ABR: variants seen among roughly 807,000 people sequenced by gnomAD.
The protein encoded by ABR is ABR activator of RhoGEF and GTPase.
Under a neutral mutation model 107.2 loss-of-function variants are expected in ABR, and 35 were observed. That is an observed-to-expected ratio of 0.33 (90% CI 0.25 to 0.43). The LOEUF (loss-of-function observed/expected upper bound fraction) is 0.43, where lower values mean the gene tolerates loss of function less well. Ranked by LOEUF, ABR falls within the 20% of genes least tolerant of loss-of-function variation. The pLI is 1.00. For synonymous variants in ABR, 498 were observed against 462.0 expected, an observed-to-expected ratio of 1.08 and a Z score of -1.00; for missense variants, 815 against 1,115.2, an observed-to-expected ratio of 0.73 and a Z score of 3.83.
At chr17:1,061,689 G>T (rs1220665753) in intron 10 of ABR, among the ~76,000 whole-genome samples, 2 of 152,030 alleles carry the variant, frequency 1.3e-5, no homozygotes, top group Non-Finnish European at 2.9e-5. Flanking sequence ...TGGGATTACA[G>T]GCACCCACCA....
intron 1 of ABR, among the ~76,000 whole-genome samples, chr17:1,165,349 G>A (rs2041463565): frequency 6.6e-6 from 1 of 152,250 alleles, no homozygotes; most frequent in Non-Finnish European, 1.5e-5. Flanking sequence ...GCGGGTGGAT[G>A]GCCGGGAGGA....
chr17:1,176,850 CAAAACAAAAAACAAAAAACAAAAAAAA>C (rs2041933815), intron 1 of ABR, among the ~76,000 whole-genome samples: 1 of 133,348 alleles, frequency 7.5e-6, no homozygotes, highest in African/African-American at 2.8e-5. Context: ...CGTCTCAAAA[CAAAACAAAAAACAAAAAACAAAAAAAA>C]AAAAGAAAAA....
At chr17:1,182,831 C>T (rs78410060), upstream of ABR, among the ~76,000 whole-genome samples, 3,880 of 152,272 alleles carry the variant, frequency 0.025, 176 homozygotes, top group African/African-American at 0.087. Context: ...TCTCAGACAA[C>T]GTGTCTCAGG....
chr17:1,159,163 C>CA (rs1275337295), intron 1 of ABR, among the ~76,000 whole-genome samples: 3 of 152,242 alleles, frequency 2.0e-5, no homozygotes, highest in Non-Finnish European at 4.4e-5. Flanking sequence ...CTCAGGAGTC[C>CA]AAGAGAAGTA....
At chr17:1,216,635 CCAAA>C (rs1214235350) in intron 1 of ABR, among the ~76,000 whole-genome samples, 1 of 152,142 alleles carries the variant, frequency 6.6e-6, no homozygotes, top group African/African-American at 2.4e-5. Flanking sequence ...CCTCTGTAGC[CCAAA>C]CAAAGCACAT....
chr17:1,143,961 A>G (rs2040423642), intron 1 of ABR, among the ~76,000 whole-genome samples: 1 of 152,100 alleles, frequency 6.6e-6, no homozygotes, highest in South Asian at 2.1e-4. Context: ...TTTCATCCCC[A>G]CAGCCCAGGG....
intron 1 of ABR, among the ~76,000 whole-genome samples, chr17:1,176,879 AAAG>A (rs2041936598): frequency 1.3e-5 from 2 of 151,826 alleles, no homozygotes; most frequent in African/African-American, 4.8e-5. Flanking sequence ...CAAAAAAAAA[AAAG>A]AAAAAAGAAA....
intron 2 of ABR, among the ~76,000 whole-genome samples, chr17:1,122,173 G>A (rs985040590): frequency 6.6e-6 from 1 of 152,242 alleles, no homozygotes; most frequent in African/African-American, 2.4e-5. Flanking sequence ...AGAGTGCTGG[G>A]ATTCCAGGCG....
At chr17:1,055,218 T>G (rs2033123370) in intron 14 of ABR, 4 of 152,096 alleles carry the variant, frequency 2.6e-5, no homozygotes, top group Admixed American at 2.6e-4. Context: ...AAAAAAATTT[T>G]TTAAAAATTA....
upstream of ABR, among the ~76,000 whole-genome samples, chr17:1,188,549 CAA>C (rs71148442): frequency 0.56 from 80,195 of 142,108 alleles, 23,540 homozygotes; most frequent in Non-Finnish European, 0.68. Context: ...GACTCCGTCT[CAA>C]AAAAAAAAAA....
At chr17:1,204,025 G>A (rs949402467) in intron 1 of ABR, among the ~76,000 whole-genome samples, 1 of 152,190 alleles carries the variant, frequency 6.6e-6, no homozygotes, top group Non-Finnish European at 1.5e-5. Flanking sequence ...ACCGACCCCC[G>A]GCCCACGGGC....
chr17:1,196,233 C>T (rs1014792216), intron 1 of ABR, among the ~76,000 whole-genome samples: 1 of 151,554 alleles, frequency 6.6e-6, no homozygotes, highest in Non-Finnish European at 1.5e-5. Context: ...AGTTCAAGAC[C>T]AGCCTGGCCA....
In ABR at chr17:1,211,257, C is replaced by T. The variant is rs1042204002; in HGVS notation, c.838+17536G>A. ...TCTCTCCACTTCTTTCCAGCCTGGG[C>T]GACAGAGTGAGGCTCCGTCTCAAAA... On this transcript the variant is annotated intron_variant, in intron 1 of 22. Transcript: ENST00000574139. Among the ~76,000 whole-genome samples, 5 of 151,742 alleles carry T rather than the reference C, an allele frequency of 3.3e-5. No homozygotes were observed. In the South Asian group the frequency reaches 6.3e-4, roughly 19 times the overall value.
chr17:1,097,930 C>T (rs558885750), intron 3 of ABR, among the ~76,000 whole-genome samples: 52 of 152,286 alleles, frequency 3.4e-4, no homozygotes, highest in Non-Finnish European at 6.8e-4. Context: ...TAACTCAACG[C>T]TGTATGAGGT....
At chr17:1,057,306 GTT>G (rs149516150) in intron 12 of ABR, among the ~76,000 whole-genome samples, 572 of 15,988 alleles carry the variant, frequency 0.036, 13 homozygotes, top group Middle Eastern at 0.091. Context: ...AACTGAAGAG[GTT>G]TGTGTGTGTG....
At chr17:1,208,157 T>C (rs1302577096) in intron 1 of ABR, among the ~76,000 whole-genome samples, 2 of 152,090 alleles carry the variant, frequency 1.3e-5, no homozygotes, top group African/African-American at 2.4e-5. Flanking sequence ...CATTGAGTTA[T>C]GAGTGTTTAT....
rs1243038814 is a variant in ABR at position 1,010,683 on chromosome 17, G to A, written c.2236+46C>T. On this transcript the variant is annotated intron_variant, in intron 20 of 22. Coordinates refer to ENST00000302538, the MANE Select transcript of ABR (RefSeq NM_021962.5). This position sits in a 1 kb window ranked among gnomAD's most constrained non-coding sequence, Gnocchi z 4.1. ...GTTACTTCTCCGGGCAGGGAGTCCT[G>A]GCTCAGTCTGGCCCAGCCCAGTCCT... The A allele has an allele frequency of 6.3e-7, 1 of 1,598,976 alleles. No individual in the cohort carries two copies. The highest frequency in any genetic ancestry group is 1.7e-5 in the Admixed American group (1 of 58,560).
At chr17:1,091,586 G>T in intron 4 of ABR, 79 bp downstream of exon 4, 1 of 1,505,724 alleles carries the variant, frequency 6.6e-7, no homozygotes. Context: ...GGGCTGCCCG[G>T]TCCTCTCCTG....
intron 2 of ABR, among the ~76,000 whole-genome samples, chr17:1,119,574 C>T (rs1187916534): frequency 6.6e-6 from 1 of 152,172 alleles, no homozygotes; most frequent in African/African-American, 2.4e-5. Context: ...CCTGACTGAA[C>T]ATCCCAGAAC....
Sources: gnomAD v4.1 joint callset for allele counts (sites outside exome capture counted in the v4.1 genomes callset) on GRCh38, gnomAD v4.1.1 for gene constraint, Gnocchi (gnomAD v3.1) non-coding constraint, MANE v1.5 for transcripts, NCBI Gene and HGNC (gene_info 2026-07-23, HGNC 2026-07-21) for gene names.